Variants in ABCA13 observed in about 807,000 individuals in gnomAD.
The protein encoded by ABCA13 is ATP-binding cassette sub-family A member 13.
Under a neutral mutation model 478.7 loss-of-function variants are expected in ABCA13, and 476 were observed. That is an observed-to-expected ratio of 0.99 (90% CI 0.92 to 1.07). ABCA13 has a LOEUF of 1.07. Among genes scored for constraint, ABCA13 ranks in the 50% least tolerant of loss-of-function variants. ABCA13 has a pLI of 0.00. For missense variants in ABCA13, 6,060 were observed against 5,910.6 expected, an observed-to-expected ratio of 1.03 and a Z score of -0.83; for synonymous variants, 2,252 against 2,158.9, an observed-to-expected ratio of 1.04 and a Z score of -1.20.
chr7:48,239,416 C>G lies in ABCA13; in HGVS notation c.1062+11C>G, dbSNP rs761022343. 6.2e-7 allele frequency: 1 copy of G among 1,607,670 alleles called. No individual in the cohort carries two copies. On this transcript the variant is annotated intron_variant, in intron 9 of 61. Transcript: ENST00000435803. ...CGAGTCTACCAACAGGTGCTGTCCCCTCTCTCTATGTTCTGTTCAAAGGTG... is the reference window on the plus strand; with the variant it reads ...CGAGTCTACCAACAGGTGCTGTCCCGTCTCTCTATGTTCTGTTCAAAGGTG...
rs1785992217 is a variant in ABCA13 at position 48,557,742 on chromosome 7, A to G, written c.14355-22482A>G. On this transcript the variant is annotated intron_variant, in intron 55 of 61. Transcript: ENST00000435803. ...TGCAAAAGTAATCACGGTTTTTGACATTAAAAGTAATTACTTTTGGCAATT... is the reference window on the plus strand; with the variant it reads ...TGCAAAAGTAATCACGGTTTTTGACGTTAAAAGTAATTACTTTTGGCAATT... 2.0e-5 allele frequency among the ~76,000 whole-genome samples: 3 copies of G among 152,164 alleles called. No individual in the cohort carries two copies. In the South Asian group the frequency reaches 6.2e-4, roughly 31 times the overall value.
chr7:48,293,192 G>GC (rs367570188), intron 20 of ABCA13, among the ~76,000 whole-genome samples: 8,397 of 106,804 alleles, frequency 0.079, 1,047 homozygotes, highest in East Asian at 0.13. Context: ...GAAGTCTTCA[G>GC]CCCCCCCCCC....
At chr7:48,205,213 T>G (rs561148646) in intron 3 of ABCA13, among the ~76,000 whole-genome samples, 15 of 152,394 alleles carry the variant, frequency 9.8e-5, no homozygotes, top group African/African-American at 3.4e-4. Context: ...TAAAGATAAT[T>G]TCTTACATTA....
intron 44 of ABCA13, 130 bp downstream of exon 44, chr7:48,467,175 C>G: frequency 1.1e-6 from 1 of 890,086 alleles, no homozygotes; most frequent in East Asian, 2.5e-5. Flanking sequence ...GAAAATTAGC[C>G]TAATGACTAG....
At chr7:48,615,540 T>C (rs1177815755) in intron 59 of ABCA13, among the ~76,000 whole-genome samples, 163 bp downstream of exon 59, 1 of 152,178 alleles carries the variant, frequency 6.6e-6, no homozygotes, top group Non-Finnish European at 1.5e-5. Context: ...GGCTAGTAAG[T>C]CAAACACATA....
chr7:48,517,938 G>A (rs1832254027), intron 52 of ABCA13, among the ~76,000 whole-genome samples: 1 of 152,168 alleles, frequency 6.6e-6, no homozygotes, highest in African/African-American at 2.4e-5. Context: ...ATTGGGATGA[G>A]TCTACTTCCT....
chr7:48,603,799 G>T (rs1012858871), intron 58 of ABCA13: 1 of 152,982 alleles, frequency 6.5e-6, no homozygotes, highest in Non-Finnish European at 1.5e-5. Context: ...GTTTCAGAAG[G>T]AATGGTACCA....
chr7:48,365,985 A>G (rs1029313628), intron 31 of ABCA13, among the ~76,000 whole-genome samples: 2 of 152,174 alleles, frequency 1.3e-5, no homozygotes, highest in African/African-American at 2.4e-5. Flanking sequence ...CCTCACAGAA[A>G]TAGAAAAAAA....
At position 48,454,494 on chromosome 7, in the gene ABCA13, C is replaced by T. The variant is rs573942865; in HGVS notation, c.12566-543C>T. On this transcript the variant is annotated intron_variant, in intron 42 of 61. Coordinates refer to ENST00000435803, the MANE Select transcript of ABCA13 (RefSeq NM_152701.5). The stretch of plus-strand genomic sequence containing the variant: ...AGGATGTTTTCACATTCGCTGCGTC[C>T]CCCAGAGCAGGGAAGCGGGAGCAGG... 6.6e-5 allele frequency among the ~76,000 whole-genome samples: 10 copies of T among 152,306 alleles called. No homozygotes were observed. In the South Asian group the frequency reaches 1.9e-3, roughly 28 times the overall value.
chr7:48,618,789 C>A (rs1792854288), intron 59 of ABCA13, among the ~76,000 whole-genome samples: 1 of 151,944 alleles, frequency 6.6e-6, no homozygotes, highest in Non-Finnish European at 1.5e-5. Flanking sequence ...TGTGAGAGCC[C>A]CTTAGAGGAG....
In ABCA13 at chr7:48,508,386, A is replaced by T. The variant is rs888149453; in HGVS notation, c.13524+337A>T. On this transcript the variant is annotated intron_variant, in intron 50 of 61. Transcript: ENST00000435803. ...AGATGAGGTGATAAAAATCATTAGA[A>T]ATGATCTTTCATCTGCATGCTTAAC... Among the ~76,000 whole-genome samples, 28 of 152,138 alleles carry T rather than the reference A, an allele frequency of 1.8e-4. 1 individual carries two copies. Among genetic ancestry groups the T allele is most frequent in the African/African-American group, 6.3e-4 (26 of 41,406 alleles).
rs904000930 is a variant in ABCA13, at chr7:48,266,602, C to G, written c.2006-2378C>G. On this transcript the variant is annotated intron_variant, in intron 15 of 61. Coordinates refer to ENST00000435803, the MANE Select transcript of ABCA13 (RefSeq NM_152701.5). ...CTTGTGCCATTTTTTCTTGATCACT[C>G]TGCCTAGAGGCTTATCAATCTTATT... 4.6e-5 allele frequency among the ~76,000 whole-genome samples: 7 copies of G among 151,894 alleles called. No individual in the cohort carries two copies. The East Asian group carries it at 1.3e-3, about 29-fold the overall frequency.
intron 9 of ABCA13, 51 bp from the exon 10 acceptor site, chr7:48,240,816 C>A: frequency 7.1e-7 from 1 of 1,406,592 alleles, no homozygotes; most frequent in Non-Finnish European, 9.4e-7. Flanking sequence ...AAATACTGTT[C>A]TTTCCAATTT....
chr7:48,319,344 G>T, intron 27 of ABCA13, among the ~76,000 whole-genome samples: 1 of 152,150 alleles, frequency 6.6e-6, no homozygotes, highest in Admixed American at 6.5e-5. Context: ...AGGTATCCTG[G>T]TTTTGCACTT....
intron 6 of ABCA13, among the ~76,000 whole-genome samples, chr7:48,228,511 T>G (rs1002312693): frequency 1.3e-5 from 2 of 152,136 alleles, no homozygotes; most frequent in Non-Finnish European, 2.9e-5. Flanking sequence ...GCTGTTGGGC[T>G]TTGTAGGCTG....
At chr7:48,493,141 G>A (rs1349576296) in intron 48 of ABCA13, among the ~76,000 whole-genome samples, 1 of 152,140 alleles carries the variant, frequency 6.6e-6, no homozygotes, top group Non-Finnish European at 1.5e-5. Context: ...TAATAAAAGT[G>A]TAAACACTTC....
intron 48 of ABCA13, among the ~76,000 whole-genome samples, chr7:48,498,251 G>C (rs909777909): frequency 1.3e-5 from 2 of 152,194 alleles, no homozygotes; most frequent in African/African-American, 2.4e-5. Context: ...GAGTAAGGCA[G>C]ATATTGCTAA....
At position 48,587,134 on chromosome 7, in the gene ABCA13, T is replaced by G; in HGVS notation, c.14506-20T>G. On this transcript the variant is annotated intron_variant, in intron 56 of 61. Coordinates refer to ENST00000435803, the MANE Select transcript of ABCA13 (RefSeq NM_152701.5). ...ACTTTGGTGAATGCTGGTGTGCACA[T>G]GGACATGCCTCTCTTCCAGGTTGCT... 6.2e-7 allele frequency: 1 copy of G among 1,612,638 alleles called. No individual in the cohort carries two copies. The highest frequency in any genetic ancestry group is 1.1e-5 in the South Asian group (1 of 90,696).
chr7:48,173,351 TGTATTCTCCAGCA>T (rs1794410992), intron 1 of ABCA13, among the ~76,000 whole-genome samples: 1 of 152,242 alleles, frequency 6.6e-6, no homozygotes, highest in Admixed American at 6.5e-5. Context: ...GGTTCATCAA[TGTATTCTCCAGCA>T]CCCAGAACAG....
Sources: allele counts gnomAD v4.1 joint callset (sites outside exome capture counted in the v4.1 genomes callset), GRCh38; gene constraint gnomAD v4.1.1; transcripts MANE v1.5; gene names NCBI Gene and HGNC (gene_info 2026-07-23, HGNC 2026-07-21).